Variants in AIFM3 observed in about 807,000 individuals in gnomAD.
The protein encoded by AIFM3 is AIF family member 3.
A neutral mutation model predicts 82.7 loss-of-function variants in AIFM3; 71 were observed. The observed-to-expected ratio is 0.86, with a 90% CI of 0.71 to 1.05. The LOEUF is 1.05. Ranked by LOEUF, AIFM3 falls within the 50% of genes least tolerant of loss-of-function variation. The pLI is 0.00. For missense variants in AIFM3, 748 were observed against 816.7 expected (o/e 0.92, Z 1.03); for synonymous variants, 337 against 329.1 (o/e 1.02, Z -0.26).
In AIFM3 at chr22:20,976,637, C is replaced by G; in HGVS notation, c.1031-14C>G. ...GGTGCAGGTGCCAGCCTGCCACCCC[C>G]TGCCCATCACCAGGGATGGAGGTGG... On this transcript the variant is annotated splice_polypyrimidine_tract_variant and intron_variant, in intron 11 of 20. Coordinates refer to ENST00000440238, the MANE Select transcript of AIFM3 (RefSeq NM_001386814.1). 6.2e-7 allele frequency: 1 copy of G among 1,611,292 alleles called. No individual in the cohort carries two copies. The highest frequency in any genetic ancestry group is 8.5e-7 in the Non-Finnish European group (1 of 1,178,698).
Position 20,980,871 on chromosome 22 carries a change from G to A in AIFM3, c.1778+104G>A. The A allele has an allele frequency of 2.5e-6, 4 of 1,607,658 alleles. No individual in the cohort carries two copies. The South Asian group carries it at 3.3e-5, about 13-fold the overall frequency. On this transcript the variant is annotated intron_variant, in intron 20 of 20. Coordinates refer to ENST00000440238, the MANE Select transcript of AIFM3 (RefSeq NM_001386814.1). ...CTCTGTCCAAGTACACCTCCCTGCT[G>A]GGCACTAGGGTCTGGCACAGAACAG...
chr22:20,978,225 T>C (rs1358535439), intron 16 of AIFM3, among the ~76,000 whole-genome samples: 2 of 147,300 alleles, frequency 1.4e-5, no homozygotes, highest in African/African-American at 4.9e-5. Flanking sequence ...GTTTTCCTTC[T>C]GGTAGTCTCT....
At chr22:20,978,192 C>T (rs1328695667) in intron 16 of AIFM3, among the ~76,000 whole-genome samples, 187 bp downstream of exon 16, 4 of 152,164 alleles carry the variant, frequency 2.6e-5, no homozygotes, top group Non-Finnish European at 5.9e-5. Flanking sequence ...CCCCACTGAG[C>T]CAGCCATAGC....
chr22:20,966,688 T>G (rs536723312), upstream of AIFM3: 1 of 152,396 alleles, frequency 6.6e-6, no homozygotes, highest in East Asian at 1.9e-4. Flanking sequence ...AAAGTCCACC[T>G]GTAGGCTGCA....
chr22:20,967,815 A>AGCTCCAGCAGGATGGCG lies in AIFM3; in HGVS notation c.-121_-105dup, dbSNP rs1257778468. ...CAGTCTCCCCTGCAGGTCCTAGAGC[A>AGCTCCAGCAGGATGGCG]GCTCCAGCAGGATGGCGGCTCCAGC... On this transcript the variant is annotated 5_prime_UTR_variant, in exon 2 of 21. In the 5' UTR this introduces an upstream ATG that the reference lacks. Coordinates refer to ENST00000440238, the MANE Select transcript of AIFM3 (RefSeq NM_001386814.1). The AGCTCCAGCAGGATGGCG allele has an allele frequency of 2.1e-6, 2 of 966,288 alleles. No homozygotes were observed. The highest frequency in any genetic ancestry group is 1.3e-5 in the South Asian group (1 of 75,270). The allele number at this position is 966,288 out of a possible 1,614,324, so 59.9% of individuals were successfully genotyped here.
intron 15 of AIFM3, 27 bp from the exon 16 acceptor site, chr22:20,977,861 A>C: frequency 6.2e-7 from 1 of 1,614,012 alleles, no homozygotes; most frequent in Non-Finnish European, 8.5e-7. Flanking sequence ...TGTCACACCC[A>C]TGGAGCTCTG....
chr22:20,981,348 A>C lies in AIFM3; in HGVS notation c.*317A>C. The C allele has an allele frequency of 2.6e-6, 1 of 383,524 alleles. No homozygotes were observed. The highest frequency in any genetic ancestry group is 2.5e-5 in the South Asian group (1 of 39,646). 23.8% of individuals were successfully genotyped at this position (383,524 alleles called of 1,614,324 possible). On this transcript the variant is annotated 3_prime_UTR_variant, in exon 21 of 21. Transcript: ENST00000440238. ...ACATTACCGTAAAATTAAAACGCAC[A>C]AATTTGCAGATCTGTATGACTCCCA...
intron 3 of AIFM3, 110 bp downstream of exon 3, chr22:20,973,630 G>T: frequency 1.4e-6 from 2 of 1,388,984 alleles, no homozygotes; most frequent in African/African-American, 1.4e-5. Flanking sequence ...ACCAGCTGCT[G>T]CCCTGGTCAC....
chr22:20,973,556 G>A lies in AIFM3; in HGVS notation c.245+36G>A, dbSNP rs201257246. 5.1e-4 allele frequency: 805 copies of A among 1,586,326 alleles called. 4 individuals are homozygous for A. In the Middle Eastern group the frequency reaches 0.011, roughly 21 times the overall value. On this transcript the variant is annotated intron_variant, in intron 3 of 20. Transcript: ENST00000440238. The stretch of plus-strand genomic sequence containing the variant: ...GGCTTGCCTGGGAGCGGGGATCAGG[G>A]GTCCCAAGGTGGGAGGGTGAGGGGG...
intron 2 of AIFM3, 93 bp from the exon 3 acceptor site, chr22:20,973,214 G>C (rs178263): frequency 0.15 from 211,300 of 1,441,218 alleles, 18,357 homozygotes; most frequent in East Asian, 0.44. Flanking sequence ...TGAGCCTCCT[G>C]GCACCCCGAG....
rs181406196 is a variant in AIFM3, at chr22:20,976,633, C to G, written c.1031-18C>G. On this transcript the variant is annotated intron_variant, in intron 11 of 20. Coordinates refer to ENST00000440238, the MANE Select transcript of AIFM3 (RefSeq NM_001386814.1). ...GGAAGGTGCAGGTGCCAGCCTGCCA[C>G]CCCCTGCCCATCACCAGGGATGGAG... 5.0e-6 allele frequency: 8 copies of G among 1,611,206 alleles called. No homozygotes were observed. In the African/African-American group the frequency reaches 9.4e-5, roughly 19 times the overall value.
intron 9 of AIFM3, 135 bp downstream of exon 9, chr22:20,975,913 C>A: frequency 1.0e-6 from 1 of 995,708 alleles, no homozygotes; most frequent in Non-Finnish European, 1.5e-6. Flanking sequence ...GTGCTCCAGG[C>A]TTGGGAGACA....
chr22:20,981,312 C>A lies in AIFM3; in HGVS notation c.*281C>A. On this transcript the variant is annotated 3_prime_UTR_variant, in exon 21 of 21. Transcript: ENST00000440238. ...GGGACTGGTCCCCTGAAGAACCCTG[C>A]AACACGTTAAACATTACCGTAAAAT... 1.9e-6 allele frequency: 1 copy of A among 514,348 alleles called. No homozygotes were observed. The highest frequency in any genetic ancestry group is 2.2e-5 in the South Asian group (1 of 45,778). The allele number at this position is 514,348 out of a possible 1,614,324, so 31.9% of individuals were successfully genotyped here. A position where few individuals can be genotyped will look rare whatever the true frequency, so the allele number is the denominator to read the frequency against.
At chr22:20,972,357 G>A (rs918376768) in intron 2 of AIFM3, among the ~76,000 whole-genome samples, 11 of 147,976 alleles carry the variant, frequency 7.4e-5, no homozygotes, top group Non-Finnish European at 1.3e-4. Flanking sequence ...AGCCAAGATC[G>A]CACCATTGCA....
intron 2 of AIFM3, among the ~76,000 whole-genome samples, chr22:20,968,283 G>A (rs546580116): frequency 6.6e-6 from 1 of 152,276 alleles, no homozygotes; most frequent in Admixed American, 6.5e-5. Context: ...GGTTGGGGAA[G>A]GGGCTATGCC....
chr22:20,974,041 G>A (rs769592838), intron 4 of AIFM3, 22 bp from the exon 5 acceptor site: 18 of 1,588,008 alleles, frequency 1.1e-5, no homozygotes, highest in Admixed American at 7.1e-5. Flanking sequence ...GGTGGGCGCA[G>A]CCTAACACCT....
chr22:20,969,310 C>T (rs1170211076), intron 2 of AIFM3, among the ~76,000 whole-genome samples: 1 of 152,204 alleles, frequency 6.6e-6, no homozygotes, highest in Non-Finnish European at 1.5e-5. Flanking sequence ...CAAATCCAGC[C>T]CTGCCCCTTT....
intron 16 of AIFM3, among the ~76,000 whole-genome samples, chr22:20,978,278 A>C (rs1212920462): frequency 1.1e-5 from 1 of 91,004 alleles, no homozygotes; most frequent in East Asian, 3.6e-4. Flanking sequence ...AGAATTCCTG[A>C]TCAACCTGTG....
chr22:20,981,188 C>T lies in AIFM3; in HGVS notation c.*157C>T. On this transcript the variant is annotated 3_prime_UTR_variant, in exon 21 of 21. Coordinates refer to ENST00000440238, the MANE Select transcript of AIFM3 (RefSeq NM_001386814.1). The stretch of plus-strand genomic sequence containing the variant: ...GCCACCTGGCTCCCCTCCTGGGAGG[C>T]CTCTGCTGGATCCAGAAGATGCTCA... 3 of 994,646 alleles carry T rather than the reference C, an allele frequency of 3.0e-6. No individual in the cohort carries two copies. The highest frequency in any genetic ancestry group is 4.5e-6 in the Non-Finnish European group (3 of 672,920). The allele number at this position is 994,646 out of a possible 1,614,324, so 61.6% of individuals were successfully genotyped here.
Sources: allele counts gnomAD v4.1 joint callset (sites outside exome capture counted in the v4.1 genomes callset), GRCh38; gene constraint gnomAD v4.1.1; transcripts MANE v1.5; gene names NCBI Gene and HGNC (gene_info 2026-07-23, HGNC 2026-07-21).